Variants in NELL1 observed in about 807,000 individuals in gnomAD.
NELL1 encodes the protein neural EGFL like 1.
Under a neutral mutation model 107.4 loss-of-function variants are expected in NELL1, and 76 were observed. The ratio of observed to expected loss-of-function variants is 0.71; its 90% confidence interval spans 0.59 to 0.86. NELL1 has a LOEUF of 0.86. NELL1 is among the 40% of genes least tolerant of loss of function. The pLI is 0.00. For synonymous variants in NELL1, 353 were observed against 341.2 expected (o/e 1.03, Z -0.38); for missense variants, 1,024 against 1,005.5 (o/e 1.02, Z -0.25).
intron 3 of NELL1, among the ~76,000 whole-genome samples, chr11:20,809,847 A>T (rs569667767): frequency 6.6e-6 from 1 of 152,270 alleles, no homozygotes; most frequent in South Asian, 2.1e-4. Flanking sequence ...TCTCTTTGAC[A>T]TACTGATTTC....
At chr11:21,557,300 T>G (rs1370932627) in intron 16 of NELL1, among the ~76,000 whole-genome samples, 2 of 152,052 alleles carry the variant, frequency 1.3e-5, no homozygotes, top group Non-Finnish European at 2.9e-5. Context: ...AATCCTGGTT[T>G]TGCGCCCTGC....
At chr11:20,755,539 TG>T (rs67807492) in intron 2 of NELL1, among the ~76,000 whole-genome samples, 72,954 of 115,306 alleles carry the variant, frequency 0.63, 21,446 homozygotes, top group Middle Eastern at 0.75. Context: ...TGTGGGTTTT[TG>T]TTTTTTTTTG....
Position 21,474,154 on chromosome 11 carries a change from C to G in NELL1, c.1646-60220C>G, listed in dbSNP as rs1854260611. Among the ~76,000 whole-genome samples the G allele has an allele frequency of 2.0e-5, 3 of 152,062 alleles. No homozygotes were observed. The South Asian group carries it at 6.2e-4, about 32-fold the overall frequency. On this transcript the variant is annotated intron_variant, in intron 15 of 19. Coordinates refer to ENST00000357134, the MANE Select transcript of NELL1 (RefSeq NM_006157.5). ...TTTCCCCTCATCTCCTGTGACTGTC[C>G]TCATTCCTTAAATTATTTTACTCAC...
intron 14 of NELL1, among the ~76,000 whole-genome samples, chr11:21,232,153 A>ATATATATATATATATATAT (rs1336630880): frequency 4.1e-5 from 1 of 24,118 alleles, no homozygotes; most frequent in African/African-American, 1.2e-4. Flanking sequence ...AAAATAAAAA[A>ATATATATATATATATATAT]AAAAAAATAT....
At position 21,043,069 on chromosome 11, in the gene NELL1, G is replaced by A. The variant is rs182751951; in HGVS notation, c.1301-70520G>A. ...TAATAACTCATAGTGGTGGAAAAGG[G>A]GGCATGGCTATGAAAAAATATATTT... On this transcript the variant is annotated intron_variant, in intron 12 of 19. Coordinates refer to ENST00000357134, the MANE Select transcript of NELL1 (RefSeq NM_006157.5). 9.2e-5 allele frequency among the ~76,000 whole-genome samples: 14 copies of A among 152,216 alleles called. No individual in the cohort carries two copies. In the South Asian group the frequency reaches 2.3e-3, roughly 25 times the overall value.
chr11:20,949,403 G>T (rs933730745), intron 11 of NELL1, among the ~76,000 whole-genome samples: 7 of 152,130 alleles, frequency 4.6e-5, no homozygotes, highest in African/African-American at 7.2e-5. Context: ...TCTGCAGCTG[G>T]TATGTTTTGG....
chr11:21,425,786 C>A (rs2187520), intron 15 of NELL1, among the ~76,000 whole-genome samples: 9,937 of 152,054 alleles, frequency 0.065, 882 homozygotes, highest in African/African-American at 0.2. Flanking sequence ...TTTTGAGGAA[C>A]GTTATTTAGA....
intron 2 of NELL1, among the ~76,000 whole-genome samples, chr11:20,722,107 A>G (rs1226684562): frequency 7.7e-6 from 1 of 129,226 alleles, no homozygotes; most frequent in African/African-American, 3.0e-5. Context: ...CTGCACCTGC[A>G]TCTCCCAGGT....
At chr11:20,953,761 C>A (rs955976914) in intron 11 of NELL1, among the ~76,000 whole-genome samples, 3 of 152,314 alleles carry the variant, frequency 2.0e-5, no homozygotes, top group Non-Finnish European at 4.4e-5. Context: ...CAGCCAACCT[C>A]ATTCATCCTT....
chr11:21,370,524 C>A (rs2133752536), intron 14 of NELL1, among the ~76,000 whole-genome samples: 1 of 152,114 alleles, frequency 6.6e-6, no homozygotes, highest in East Asian at 1.9e-4. Context: ...CATCCTGACC[C>A]TACCCTTCCT....
chr11:21,261,259 G>T (rs1346007325), intron 14 of NELL1, among the ~76,000 whole-genome samples: 1 of 150,950 alleles, frequency 6.6e-6, no homozygotes, highest in Non-Finnish European at 1.5e-5. Context: ...GTAAACTTGT[G>T]TCATGGAGGT....
At chr11:21,360,340 G>A (rs1851046837) in intron 14 of NELL1, among the ~76,000 whole-genome samples, 1 of 151,980 alleles carries the variant, frequency 6.6e-6, no homozygotes, top group Non-Finnish European at 1.5e-5. Context: ...TATTCCACTG[G>A]GGTCTGAGAG....
chr11:20,797,593 G>C (rs975214038), intron 3 of NELL1, among the ~76,000 whole-genome samples: 3 of 145,396 alleles, frequency 2.1e-5, no homozygotes, highest in Admixed American at 2.0e-4. Context: ...AAAAAGACAG[G>C]AGGTTGCTGC....
At chr11:21,490,454 G>C (rs1412377680) in intron 15 of NELL1, among the ~76,000 whole-genome samples, 2 of 58,772 alleles carry the variant, frequency 3.4e-5, no homozygotes, top group African/African-American at 1.5e-4. Flanking sequence ...AATGTGTATG[G>C]AACCAAAAAA....
At chr11:20,824,352 C>T (rs887108933) in intron 3 of NELL1, among the ~76,000 whole-genome samples, 2 of 151,268 alleles carry the variant, frequency 1.3e-5, no homozygotes, top group South Asian at 2.1e-4. Flanking sequence ...TGAGAACAGA[C>T]TACTACAGTA....
In NELL1 at chr11:21,080,965, G is replaced by C. The variant is rs369858886; in HGVS notation, c.1301-32624G>C. Among the ~76,000 whole-genome samples the C allele has an allele frequency of 4.4e-4, 67 of 151,776 alleles. 3 individuals are homozygous for C. The South Asian group carries it at 0.014, about 32-fold the overall frequency. ...ATTATTTTAACTTGTTCTTCTTTGA[G>C]CCTTTTTTTTTAAACAGGATCTTGC... On this transcript the variant is annotated intron_variant, in intron 12 of 19. Transcript: ENST00000357134.
chr11:21,074,723 A>C (rs565431004), intron 12 of NELL1, among the ~76,000 whole-genome samples: 1 of 152,262 alleles, frequency 6.6e-6, no homozygotes, highest in African/African-American at 2.4e-5. Context: ...TATATACCAC[A>C]AAGTTCATCC....
At chr11:20,853,550 G>A (rs1371277543) in intron 4 of NELL1, among the ~76,000 whole-genome samples, 1 of 152,106 alleles carries the variant, frequency 6.6e-6, no homozygotes, top group Admixed American at 6.5e-5. Context: ...GAGGGTATAG[G>A]CCAAATCCTC....
intron 12 of NELL1, among the ~76,000 whole-genome samples, chr11:20,989,786 A>T (rs1246887037): frequency 6.6e-6 from 1 of 152,004 alleles, no homozygotes; most frequent in Non-Finnish European, 1.5e-5. Context: ...AGGTCAGGAG[A>T]TGGAGACCAT....
Sources: gnomAD v4.1 joint callset for allele counts (sites outside exome capture counted in the v4.1 genomes callset) on GRCh38, gnomAD v4.1.1 for gene constraint, MANE v1.5 for transcripts, NCBI Gene and HGNC (gene_info 2026-07-23, HGNC 2026-07-21) for gene names.